The following CSMD1 variants were observed in gnomAD, a reference collection of about 807,000 sequenced individuals.
The protein encoded by CSMD1 is CUB and Sushi multiple domains 1.
CSMD1 carries 213 observed loss-of-function variants against 417.5 expected under a neutral mutation model. That is an observed-to-expected ratio of 0.51 (90% CI 0.46 to 0.57). CSMD1 has a LOEUF of 0.57. Among genes scored for constraint, CSMD1 ranks in the 20% least tolerant of loss-of-function variants. CSMD1 has a pLI of 0.00. For missense variants in CSMD1, 6,923 were observed against 4,529.7 expected (o/e 1.53, Z -15.17); for synonymous variants, 2,862 against 1,736.8 (o/e 1.65, Z -16.11).
At chr8:3,893,396 T>C (rs1807132696) in intron 5 of CSMD1, among the ~76,000 whole-genome samples, 3 of 146,134 alleles carry the variant, frequency 2.1e-5, no homozygotes, top group African/African-American at 7.4e-5. Context: ...CAAAATTGTA[T>C]GACCTTGAAG....
At chr8:4,905,305 T>C (rs1005031500) in intron 1 of CSMD1, among the ~76,000 whole-genome samples, 1 of 152,186 alleles carries the variant, frequency 6.6e-6, no homozygotes, top group Non-Finnish European at 1.5e-5. Flanking sequence ...GTCTAATGGA[T>C]AACTCGCTGT....
intron 12 of CSMD1, among the ~76,000 whole-genome samples, chr8:3,468,420 T>C (rs1395470666): frequency 6.6e-6 from 1 of 152,142 alleles, no homozygotes; most frequent in Admixed American, 6.6e-5. Flanking sequence ...TATGATATGG[T>C]CAAAAGATCC....
chr8:4,424,543 A>G (rs1280214281), intron 2 of CSMD1, among the ~76,000 whole-genome samples: 1 of 152,070 alleles, frequency 6.6e-6, no homozygotes, highest in Non-Finnish European at 1.5e-5. Flanking sequence ...ATAAATAATG[A>G]CAACATCACA....
intron 21 of CSMD1, among the ~76,000 whole-genome samples, chr8:3,348,730 T>C (rs759866609): frequency 1.3e-5 from 2 of 152,244 alleles, no homozygotes; most frequent in Non-Finnish European, 2.9e-5. Context: ...GCAGTAATTA[T>C]CTGCTTCTCC....
intron 4 of CSMD1, among the ~76,000 whole-genome samples, chr8:4,029,379 G>A (rs1255336232): frequency 6.6e-6 from 1 of 152,176 alleles, no homozygotes; most frequent in Non-Finnish European, 1.5e-5. Context: ...CTATATGGCT[G>A]GGGAAGCCTC....
chr8:4,620,263 ATCTAAAAG>A (rs1801696004), intron 2 of CSMD1, among the ~76,000 whole-genome samples: 1 of 151,656 alleles, frequency 6.6e-6, no homozygotes, highest in Non-Finnish European at 1.5e-5. Flanking sequence ...CAATTGCTCT[ATCTAAAAG>A]TCTGTTCTCC....
At chr8:3,442,574 T>A (rs979230685) in intron 12 of CSMD1, among the ~76,000 whole-genome samples, 1 of 152,204 alleles carries the variant, frequency 6.6e-6, no homozygotes, top group Non-Finnish European at 1.5e-5. Context: ...CTAGGAACAA[T>A]AGGCTGTACC....
At chr8:4,045,450 C>A (rs190486247) in intron 3 of CSMD1, among the ~76,000 whole-genome samples, 4 of 152,144 alleles carry the variant, frequency 2.6e-5, no homozygotes, top group Non-Finnish European at 5.9e-5. Flanking sequence ...CTGAGAACGT[C>A]GGAAGGGCCA....
At chr8:4,468,292 A>G (rs765446171) in intron 2 of CSMD1, among the ~76,000 whole-genome samples, 1 of 152,152 alleles carries the variant, frequency 6.6e-6, no homozygotes, top group Non-Finnish European at 1.5e-5. Context: ...GGAACTTGAG[A>G]AAGTGTTGAT....
intron 5 of CSMD1, among the ~76,000 whole-genome samples, chr8:3,811,921 A>G (rs181395387): frequency 1.1e-3 from 170 of 152,306 alleles, no homozygotes; most frequent in African/African-American, 3.9e-3. Context: ...AACAAAGCAC[A>G]TATAGATAAA....
At chr8:4,185,424 G>T (rs922246902) in intron 3 of CSMD1, among the ~76,000 whole-genome samples, 2 of 152,068 alleles carry the variant, frequency 1.3e-5, no homozygotes, top group African/African-American at 4.8e-5. Flanking sequence ...ACATACACGT[G>T]TGAGCTTGAT....
intron 36 of CSMD1, among the ~76,000 whole-genome samples, chr8:3,185,405 G>T (rs1821685582): frequency 6.6e-6 from 1 of 152,014 alleles, no homozygotes. Flanking sequence ...GCTAACTTTG[G>T]CTAATCCATC....
intron 25 of CSMD1, among the ~76,000 whole-genome samples, chr8:3,290,235 T>C (rs62503425): frequency 0.15 from 21,274 of 146,548 alleles, 2,934 homozygotes; most frequent in African/African-American, 0.25. Flanking sequence ...TGTAGCCTTG[T>C]AGTGTAGTAT....
intron 61 of CSMD1, among the ~76,000 whole-genome samples, chr8:2,961,463 T>G (rs920203212): frequency 2.5e-4 from 38 of 151,716 alleles, no homozygotes; most frequent in African/African-American, 9.3e-4. Context: ...AAGTGCATTT[T>G]TTTTCCATTC....
At chr8:3,308,568 T>C in intron 23 of CSMD1, 65 bp from the exon 24 acceptor site, 15 of 1,328,046 alleles carry the variant, frequency 1.1e-5, no homozygotes, top group East Asian at 4.9e-5. Context: ...AAAACAGAGA[T>C]GAAACAAACA....
intron 2 of CSMD1, among the ~76,000 whole-genome samples, chr8:4,591,816 G>A (rs917311883): frequency 6.6e-6 from 1 of 152,198 alleles, no homozygotes; most frequent in Admixed American, 6.5e-5. Context: ...AGTGGCTACA[G>A]AAAGACCGTC....
intron 23 of CSMD1, among the ~76,000 whole-genome samples, chr8:3,314,762 A>G (rs1277962876): frequency 6.6e-6 from 1 of 152,240 alleles, no homozygotes; most frequent in African/African-American, 2.4e-5. Context: ...ATCTTCTAAC[A>G]ATATTAGAGT....
rs554880246 is a variant in CSMD1 at position 3,021,385 on chromosome 8, C to A, written c.7856-2735G>T. On this transcript the variant is annotated intron_variant, in intron 51 of 69. Transcript: ENST00000635120. ...ATTAATAAAGATAGCAGCAATAACT[C>A]GGAAATCTTGCCTGACTGAAAAGGG... Among the ~76,000 whole-genome samples, 18 of 152,300 alleles carry A rather than the reference C, an allele frequency of 1.2e-4. 1 individual carries two copies. In the South Asian group the frequency reaches 3.5e-3, roughly 30 times the overall value.
At chr8:3,323,051 C>T (rs1439367606) in intron 23 of CSMD1, among the ~76,000 whole-genome samples, 3 of 152,126 alleles carry the variant, frequency 2.0e-5, no homozygotes, top group African/African-American at 7.2e-5. Context: ...CAATTCAAGT[C>T]ATCACTGTCC....
Sources: gnomAD v4.1 joint callset for allele counts (sites outside exome capture counted in the v4.1 genomes callset) on GRCh38, gnomAD v4.1.1 for gene constraint, MANE v1.5 for transcripts, NCBI Gene and HGNC (gene_info 2026-07-23, HGNC 2026-07-21) for gene names.